The following QTGAL variants were observed in gnomAD, a reference collection of about 807,000 sequenced individuals.
QTGAL encodes queuosine-tRNA galactosyltransferase, also known as BGnT-like protein 1.
At chr17:83,028,522 CAAAAAA>C in the QTGAL span, among the ~76,000 whole-genome samples, 1 of 52,280 alleles carries the variant, frequency 1.9e-5, no homozygotes, top group African/African-American at 6.5e-5. Flanking sequence ...GACTCCATCT[CAAAAAA>C]AAAAAAAAAA....
At chr17:83,045,806 C>CATTTATTTATTTATTTATTTATTT in the QTGAL span, among the ~76,000 whole-genome samples, 1,021 of 152,012 alleles carry the variant, frequency 6.7e-3, 11 homozygotes, top group African/African-American at 0.024. Flanking sequence ...GGAAGATATA[C>CATTTATTTATTTATTTATTTATTT]ATTTATTTAT....
At chr17:82,977,556 G>A in the QTGAL span, among the ~76,000 whole-genome samples, 1 of 152,134 alleles carries the variant, frequency 6.6e-6, no homozygotes, top group Admixed American at 6.5e-5. Flanking sequence ...AGTGGGGAGC[G>A]AGCAACGCCC....
chr17:82,991,300 C>G, the QTGAL span, among the ~76,000 whole-genome samples: 1 of 152,102 alleles, frequency 6.6e-6, no homozygotes, highest in Non-Finnish European at 1.5e-5. Flanking sequence ...ATAATTCCCA[C>G]GTGTTGTGGG....
At chr17:82,944,219 G>C in the QTGAL span, 3 of 152,202 alleles carry the variant, frequency 2.0e-5, no homozygotes, top group South Asian at 6.2e-4. Flanking sequence ...TTTTAATGTC[G>C]GTCTAACTTA....
chr17:83,008,803 A>C, the QTGAL span, among the ~76,000 whole-genome samples: 7 of 151,010 alleles, frequency 4.6e-5, no homozygotes, highest in East Asian at 1.9e-4. Flanking sequence ...GATCCCAGCC[A>C]GGATCCCTGC....
the QTGAL span, chr17:82,956,803 G>A: frequency 1.9e-6 from 3 of 1,556,686 alleles, no homozygotes; most frequent in Admixed American, 5.8e-5. This position sits in a 1 kb window ranked among gnomAD's most constrained non-coding sequence, Gnocchi z 5.7. Context: ...TCCTGCCCGA[G>A]CCTGGAGCTT....
the QTGAL span, among the ~76,000 whole-genome samples, chr17:83,020,030 G>A: frequency 1.3e-5 from 2 of 152,012 alleles, no homozygotes; most frequent in Admixed American, 6.6e-5. Flanking sequence ...CACTGCACCC[G>A]GCCAAGAATA....
At chr17:83,038,909 ATTTGTTTACACACATTACAG>A in the QTGAL span, among the ~76,000 whole-genome samples, 2 of 141,728 alleles carry the variant, frequency 1.4e-5, 1 homozygote, top group Non-Finnish European at 3.2e-5. Flanking sequence ...TCAAAAACCA[ATTTGTTTACACACATTACAG>A]AAGCAAGTTG....
the QTGAL span, among the ~76,000 whole-genome samples, chr17:83,027,527 C>T: frequency 1.3e-5 from 2 of 151,848 alleles, no homozygotes; most frequent in Non-Finnish European, 2.9e-5. Flanking sequence ...ACATCTTCTG[C>T]TCAAGACACC....
the QTGAL span, among the ~76,000 whole-genome samples, chr17:83,000,648 A>C: frequency 3.9e-5 from 6 of 152,198 alleles, no homozygotes; most frequent in African/African-American, 1.4e-4. Context: ...TCTTTTTGTT[A>C]GTGTTTTCAG....
chr17:82,962,881 G>C, the QTGAL span, among the ~76,000 whole-genome samples: 1 of 145,066 alleles, frequency 6.9e-6, no homozygotes, highest in Admixed American at 7.0e-5. Context: ...TGGGAGGAGG[G>C]GGACGCAGAG....
At chr17:83,026,220 G>A in the QTGAL span, among the ~76,000 whole-genome samples, 1 of 152,212 alleles carries the variant, frequency 6.6e-6, no homozygotes, top group Non-Finnish European at 1.5e-5. Context: ...ACCAGCGAGA[G>A]CGTGGGTGTT....
the QTGAL span, among the ~76,000 whole-genome samples, chr17:83,051,446 C>G: frequency 6.6e-6 from 1 of 152,138 alleles, no homozygotes; most frequent in African/African-American, 2.4e-5. Flanking sequence ...GCTTCAAAAT[C>G]AGAACGAGGA....
At chr17:82,961,736 GCCCACGGGGCTTAT>G in the QTGAL span, among the ~76,000 whole-genome samples, 2 of 152,266 alleles carry the variant, frequency 1.3e-5, no homozygotes, top group Non-Finnish European at 2.9e-5. Flanking sequence ...TTGAACCTCA[GCCCACGGGGCTTAT>G]CCCCGAACAC....
chr17:83,036,296 G>A, the QTGAL span, among the ~76,000 whole-genome samples: 1 of 152,222 alleles, frequency 6.6e-6, no homozygotes, highest in Non-Finnish European at 1.5e-5. Context: ...GCCCTGGCCC[G>A]GAGCACGAGG....
At chr17:83,050,852 C>T in the QTGAL span, among the ~76,000 whole-genome samples, 6 of 147,942 alleles carry the variant, frequency 4.1e-5, no homozygotes, top group Admixed American at 2.7e-4. Context: ...CAGGTGTGCA[C>T]GGCAGGTGCA....
At chr17:83,034,521 C>CTATT in the QTGAL span, among the ~76,000 whole-genome samples, 1 of 148,074 alleles carries the variant, frequency 6.8e-6, no homozygotes, top group Non-Finnish European at 1.5e-5. Flanking sequence ...GAATTAATAA[C>CTATT]TGATAAGGTT....
the QTGAL span, among the ~76,000 whole-genome samples, chr17:82,967,206 G>T: frequency 6.6e-6 from 1 of 152,172 alleles, no homozygotes; most frequent in Non-Finnish European, 1.5e-5. Context: ...ATATCATTTT[G>T]GGGGGACACC....
the QTGAL span, among the ~76,000 whole-genome samples, chr17:83,047,177 G>T: frequency 6.6e-6 from 1 of 152,202 alleles, no homozygotes; most frequent in Non-Finnish European, 1.5e-5. Context: ...TCTAGTGAGG[G>T]CCCCTTCCTG....
Sources: allele counts gnomAD v4.1 joint callset (sites outside exome capture counted in the v4.1 genomes callset), GRCh38; gene constraint gnomAD v4.1.1; non-coding constraint Gnocchi (gnomAD v3.1); transcripts MANE v1.5; gene names NCBI Gene and HGNC (gene_info 2026-07-23, HGNC 2026-07-21).